Variants in DDC observed in about 807,000 individuals in gnomAD.
The protein encoded by DDC is dopa decarboxylase.
In DDC, 43 loss-of-function variants were observed where a neutral mutation model predicts 60.0. That is an observed-to-expected ratio of 0.72 (90% CI 0.56 to 0.92). The LOEUF is 0.92. Ranked by LOEUF, DDC falls within the 40% of genes least tolerant of loss-of-function variation. The pLI, the probability that DDC is intolerant of heterozygous loss-of-function variation, is 0.00. For synonymous variants in DDC, 232 were observed against 234.6 expected, an observed-to-expected ratio of 0.99 and a Z score of 0.10; for missense variants, 573 against 620.2, an observed-to-expected ratio of 0.92 and a Z score of 0.81.
intron 10 of DDC, 130 bp from the exon 11 acceptor site, chr7:50,476,773 G>C (rs1477204068): frequency 1.2e-6 from 1 of 804,642 alleles, no homozygotes; most frequent in East Asian, 2.6e-5. Flanking sequence ...CCCAAAGGCT[G>C]GGTCTGGGTG....
At chr7:50,488,191 A>T (rs943647149) in intron 9 of DDC, among the ~76,000 whole-genome samples, 3 of 152,038 alleles carry the variant, frequency 2.0e-5, no homozygotes, top group Non-Finnish European at 4.4e-5. Context: ...ATGCTTGTTA[A>T]AAAACGACAT....
At chr7:50,560,370 G>C (rs1293003264) in intron 1 of DDC, among the ~76,000 whole-genome samples, 2 of 152,158 alleles carry the variant, frequency 1.3e-5, no homozygotes, top group Admixed American at 6.5e-5. Context: ...GGGCGCAGCA[G>C]ACCACTCAGC....
intron 9 of DDC, among the ~76,000 whole-genome samples, chr7:50,482,521 G>A (rs2042792225): frequency 6.6e-6 from 1 of 152,052 alleles, no homozygotes; most frequent in Non-Finnish European, 1.5e-5. Context: ...GTTCAGTCGT[G>A]GTTACTTTAC....
chr7:50,518,524 C>A (rs971862190), intron 6 of DDC, among the ~76,000 whole-genome samples: 9 of 152,160 alleles, frequency 5.9e-5, no homozygotes, highest in South Asian at 4.1e-4. Flanking sequence ...CAGCATGGTA[C>A]TGGTATAAAA....
rs1207669140 is a variant in DDC at position 50,461,569 on chromosome 7, T to C, written c.*18+1644A>G. On this transcript the variant is annotated intron_variant, in intron 14 of 14. Transcript: ENST00000444124. The stretch of plus-strand genomic sequence containing the variant: ...TTTTCAGAGCTACACTCTCCACATA[T>C]GTTCTTCTGGGCGTATGTCAATAAG... Among the ~76,000 whole-genome samples the C allele has an allele frequency of 2.6e-5, 4 of 152,240 alleles. No individual in the cohort carries two copies. In the East Asian group the frequency reaches 7.7e-4, roughly 29 times the overall value.
intron 9 of DDC, among the ~76,000 whole-genome samples, chr7:50,480,870 A>T (rs1172541877): frequency 6.6e-6 from 1 of 152,168 alleles, no homozygotes; most frequent in East Asian, 1.9e-4. Flanking sequence ...CTGTCTGCAC[A>T]CAGAGCACTC....
intron 9 of DDC, among the ~76,000 whole-genome samples, chr7:50,487,474 C>T (rs2042910432): frequency 6.6e-6 from 1 of 152,006 alleles, no homozygotes; most frequent in Non-Finnish European, 1.5e-5. Context: ...GACCTTTCTA[C>T]TGGTGTTGAG....
chr7:50,548,524 C>T (rs1269026315), intron 1 of DDC, among the ~76,000 whole-genome samples: 1 of 152,182 alleles, frequency 6.6e-6, no homozygotes, highest in African/African-American at 2.4e-5. Flanking sequence ...TTTCCTTAAG[C>T]CAAAGCGTAA....
chr7:50,460,571 G>A (rs963051683), intron 14 of DDC, among the ~76,000 whole-genome samples: 1 of 151,596 alleles, frequency 6.6e-6, no homozygotes, highest in African/African-American at 2.4e-5. Context: ...CATTGAGAAC[G>A]GGCCATGATG....
intron 14 of DDC, among the ~76,000 whole-genome samples, chr7:50,460,128 C>G (rs1308831680): frequency 7.7e-5 from 11 of 142,452 alleles, no homozygotes; most frequent in Non-Finnish European, 1.4e-4. Context: ...CCGGCCGCCC[C>G]TACTGGGAAG....
intron 1 of DDC, among the ~76,000 whole-genome samples, chr7:50,549,005 A>G (rs1281780886): frequency 2.0e-5 from 3 of 152,252 alleles, no homozygotes; most frequent in African/African-American, 4.8e-5. Flanking sequence ...TAAATGGAAC[A>G]ACAAAGCCTG....
intron 13 of DDC, among the ~76,000 whole-genome samples, chr7:50,466,033 G>T (rs2042387799): frequency 6.6e-6 from 1 of 152,216 alleles, no homozygotes; most frequent in Non-Finnish European, 1.5e-5. Context: ...AGAGCTCCAA[G>T]AGTCAGGTGA....
At chr7:50,459,023 A>G (rs1284255233) in intron 14 of DDC, among the ~76,000 whole-genome samples, 180 bp from the exon 15 acceptor site, 1 of 150,346 alleles carries the variant, frequency 6.7e-6, no homozygotes, top group African/African-American at 2.5e-5. Flanking sequence ...GCTGGACTGT[A>G]CTGCTGCCAT....
intron 6 of DDC, among the ~76,000 whole-genome samples, chr7:50,512,685 G>T (rs888006881): frequency 5.3e-5 from 8 of 152,182 alleles, no homozygotes; most frequent in Admixed American, 2.6e-4. Flanking sequence ...CCAGTCACAG[G>T]TGCAAAGAGG....
chr7:50,490,844 A>G (rs2042984141), intron 9 of DDC, among the ~76,000 whole-genome samples: 2 of 152,284 alleles, frequency 1.3e-5, no homozygotes, highest in Non-Finnish European at 2.9e-5. Context: ...CAAATAATCA[A>G]GCCAATCATA....
intron 9 of DDC, chr7:50,480,076 A>G (rs942398327): frequency 1.7e-6 from 1 of 579,412 alleles, no homozygotes; most frequent in East Asian, 3.0e-5. Flanking sequence ...AGTTCCTGGC[A>G]CACAGCTCCT....
At chr7:50,529,872 C>A (rs373599198) in intron 4 of DDC, among the ~76,000 whole-genome samples, 3 of 152,276 alleles carry the variant, frequency 2.0e-5, no homozygotes, top group African/African-American at 4.8e-5. Flanking sequence ...GAAGCCCTAA[C>A]CCCCAGGACC....
intron 14 of DDC, 104 bp from the exon 15 acceptor site, chr7:50,458,947 C>T (rs1412033024): frequency 4.0e-5 from 6 of 150,604 alleles, no homozygotes; most frequent in Non-Finnish European, 7.4e-5. Context: ...CCTCTCCCCC[C>T]TCTCCCTCTC....
intron 1 of DDC, among the ~76,000 whole-genome samples, chr7:50,562,721 G>A (rs1383588701): frequency 2.0e-5 from 3 of 152,254 alleles, no homozygotes; most frequent in African/African-American, 7.2e-5. Context: ...CTCCCTGGAT[G>A]TGTGCCCTTC....
Sources: allele counts gnomAD v4.1 joint callset (sites outside exome capture counted in the v4.1 genomes callset), GRCh38; gene constraint gnomAD v4.1.1; transcripts MANE v1.5; gene names NCBI Gene and HGNC (gene_info 2026-07-23, HGNC 2026-07-21).